GRID1: variants seen among roughly 807,000 people sequenced by gnomAD.
GRID1 encodes glutamate receptor ionotropic, delta-1.
Under a neutral mutation model 98.0 loss-of-function variants are expected in GRID1, and 28 were observed. The ratio of observed to expected loss-of-function variants is 0.29; its 90% confidence interval spans 0.21 to 0.39. GRID1 has a LOEUF of 0.39. Among genes scored for constraint, GRID1 ranks in the 10% least tolerant of loss-of-function variants. The pLI is 1.00. For missense variants in GRID1, 1,111 were observed against 1,340.5 expected (o/e 0.83, Z 2.67); for synonymous variants, 553 against 538.5 (o/e 1.03, Z -0.37).
At chr10:85,866,175 T>C (rs1589280103) in intron 6 of GRID1, among the ~76,000 whole-genome samples, 1 of 150,810 alleles carries the variant, frequency 6.6e-6, no homozygotes, top group Admixed American at 6.6e-5. Context: ...TGAGTACCCA[T>C]GGGAGAGATG....
At chr10:86,179,373 C>T (rs1369559660) in intron 3 of GRID1, among the ~76,000 whole-genome samples, 1 of 151,988 alleles carries the variant, frequency 6.6e-6, no homozygotes. Context: ...ATTCAAATTT[C>T]TCTGAGGCTC....
In GRID1 at chr10:85,810,682, GC is replaced by G. The variant is rs1842663919; in HGVS notation, c.1233+43813del. ...CCTGCCCCGGCCGACATGCCCCTAA[GC>G]TCCCAAGCATCTGCATCATCATATT... On this transcript the variant is annotated intron_variant, in intron 8 of 15. Transcript: ENST00000327946. 2.0e-5 allele frequency among the ~76,000 whole-genome samples: 3 copies of G among 152,100 alleles called. No homozygotes were observed. The South Asian group carries it at 6.2e-4, about 32-fold the overall frequency.
At chr10:86,242,673 C>T (rs902169874) in intron 2 of GRID1, among the ~76,000 whole-genome samples, 1 of 152,220 alleles carries the variant, frequency 6.6e-6, no homozygotes, top group Admixed American at 6.5e-5. Flanking sequence ...AAACCCCTGT[C>T]CAGGCCACCT....
At chr10:85,869,326 T>C (rs1843254134) in intron 5 of GRID1, 146 bp from the exon 6 acceptor site, 2 of 652,160 alleles carry the variant, frequency 3.1e-6, no homozygotes. Flanking sequence ...GTTCATTAGT[T>C]GCTTATTCAC....
intron 4 of GRID1, among the ~76,000 whole-genome samples, chr10:86,001,465 C>G (rs1326561651): frequency 6.6e-6 from 1 of 152,208 alleles, no homozygotes; most frequent in East Asian, 1.9e-4. Context: ...AACTTCATGT[C>G]CAAATTCCTC....
intron 12 of GRID1, among the ~76,000 whole-genome samples, chr10:85,691,773 G>A (rs189843118): frequency 1.3e-5 from 2 of 152,214 alleles, no homozygotes; most frequent in South Asian, 4.2e-4. Context: ...GAACAGCTCT[G>A]CATGGCCCCA....
intron 3 of GRID1, among the ~76,000 whole-genome samples, chr10:86,139,762 C>A (rs188954238): frequency 4.5e-4 from 68 of 152,304 alleles, no homozygotes; most frequent in African/African-American, 1.6e-3. Context: ...TTGGTGATCA[C>A]TGGGAGAGAG....
In GRID1 at chr10:86,069,423, C is replaced by T. The variant is rs527901179; in HGVS notation, c.726+69396G>A. Among the ~76,000 whole-genome samples, 31 of 152,186 alleles carry T rather than the reference C, an allele frequency of 2.0e-4. No homozygotes were observed. In the South Asian group the frequency reaches 4.8e-3, roughly 23 times the overall value. On this transcript the variant is annotated intron_variant, in intron 4 of 15. Transcript: ENST00000327946. ...CAGCACTTTGGGAGGCCGAGGCGGG[C>T]GGATCATGAGGTCAGGAGATCGAGA...
intron 12 of GRID1, among the ~76,000 whole-genome samples, chr10:85,703,188 A>AATATACAGAT (rs1841472760): frequency 6.6e-6 from 1 of 152,144 alleles, no homozygotes; most frequent in African/African-American, 2.4e-5. Context: ...TGTTTTAATT[A>AATATACAGAT]ATGTATAAAG....
chr10:85,950,954 G>T (rs533906698), intron 4 of GRID1, among the ~76,000 whole-genome samples: 36 of 152,308 alleles, frequency 2.4e-4, no homozygotes, highest in African/African-American at 8.2e-4. Context: ...TGGAGTATAT[G>T]TGGGAGACGT....
At chr10:85,840,466 A>G (rs1387084363) in intron 8 of GRID1, among the ~76,000 whole-genome samples, 23 of 152,190 alleles carry the variant, frequency 1.5e-4, no homozygotes. Flanking sequence ...TATTCAACAT[A>G]GTATTAGAAT....
At chr10:86,063,029 G>A (rs1213860805) in intron 4 of GRID1, among the ~76,000 whole-genome samples, 1 of 152,222 alleles carries the variant, frequency 6.6e-6, no homozygotes, top group Non-Finnish European at 1.5e-5. Flanking sequence ...GTCCGTTCAG[G>A]AATCTGTCAC....
intron 8 of GRID1, among the ~76,000 whole-genome samples, chr10:85,786,076 A>G (rs1002337853): frequency 1.3e-5 from 2 of 151,998 alleles, no homozygotes; most frequent in African/African-American, 4.8e-5. Flanking sequence ...TGCACACACA[A>G]TCTCTAGCCC....
rs1226778787 is a variant in GRID1, at chr10:85,601,084, C to G, written c.*1189G>C. 2 of 152,262 alleles carry G rather than the reference C, an allele frequency of 1.3e-5. No individual in the cohort carries two copies. The highest frequency in any genetic ancestry group is 2.4e-5 in the African/African-American group (1 of 41,436). 9.4% of individuals were successfully genotyped at this position (152,262 alleles called of 1,614,324 possible). ...CTGGTGGATGGGAGTTACACTTATG[C>G]TTCTCACCTAAGGCGCAAGGCAAGG... On this transcript the variant is annotated 3_prime_UTR_variant, in exon 16 of 16. Transcript: ENST00000327946.
At chr10:85,967,420 T>C (rs972350449) in intron 4 of GRID1, among the ~76,000 whole-genome samples, 2 of 152,198 alleles carry the variant, frequency 1.3e-5, no homozygotes, top group Non-Finnish European at 2.9e-5. Context: ...CACATCATAT[T>C]ATCTAAAGTG....
rs78315271 is a variant in GRID1 at position 85,933,581 on chromosome 10, C to T, written c.727-17342G>A. ...GGAATTCTCTGCTCCAATCTTCAGGCCCTGGAGGCTGTTTGGGGCTGTGTG... is the reference window on the plus strand; with the variant it reads ...GGAATTCTCTGCTCCAATCTTCAGGTCCTGGAGGCTGTTTGGGGCTGTGTG... On this transcript the variant is annotated intron_variant, in intron 4 of 15. Transcript: ENST00000327946. Among the ~76,000 whole-genome samples the T allele has an allele frequency of 3.2e-3, 491 of 152,284 alleles. 2 individuals carry two copies. Among genetic ancestry groups the T allele is most frequent in the African/African-American group, 0.011 (469 of 41,544 alleles).
At chr10:86,099,046 C>T (rs1323459534) in intron 4 of GRID1, among the ~76,000 whole-genome samples, 2 of 152,196 alleles carry the variant, frequency 1.3e-5, no homozygotes, top group Non-Finnish European at 2.9e-5. Flanking sequence ...TTCGTAATCC[C>T]CATTTTACAG....
At chr10:85,667,085 G>T (rs531127980) in intron 12 of GRID1, among the ~76,000 whole-genome samples, 1 of 152,332 alleles carries the variant, frequency 6.6e-6, no homozygotes, top group South Asian at 2.1e-4. Flanking sequence ...ACACAGAAGA[G>T]AACCCAGGAT....
chr10:85,865,971 A>ATATATG (rs1564613351), intron 6 of GRID1, among the ~76,000 whole-genome samples: 5 of 107,700 alleles, frequency 4.6e-5, no homozygotes, highest in African/African-American at 1.8e-4. Flanking sequence ...AGAGAGAGAG[A>ATATATG]GAGAGAGAGA....
Sources: gnomAD v4.1 joint callset for allele counts (sites outside exome capture counted in the v4.1 genomes callset) on GRCh38, gnomAD v4.1.1 for gene constraint, MANE v1.5 for transcripts, NCBI Gene and HGNC (gene_info 2026-07-23, HGNC 2026-07-21) for gene names.